NUBPL: variants seen among roughly 807,000 people sequenced by gnomAD.
The protein encoded by NUBPL is iron-sulfur cluster transfer protein NUBPL.
NUBPL carries 31 observed loss-of-function variants against 45.7 expected under a neutral mutation model. The observed-to-expected ratio is 0.68, with a 90% CI of 0.51 to 0.92. The LOEUF is 0.92. Among genes scored for constraint, NUBPL ranks in the 40% least tolerant of loss-of-function variants. NUBPL has a pLI of 0.00. For missense variants in NUBPL, 401 were observed against 398.7 expected, an observed-to-expected ratio of 1.01 and a Z score of -0.05; for synonymous variants, 144 against 140.9, an observed-to-expected ratio of 1.02 and a Z score of -0.15.
chr14:31,751,385 G>A (rs2038525744), intron 6 of NUBPL, among the ~76,000 whole-genome samples: 2 of 152,268 alleles, frequency 1.3e-5, no homozygotes, highest in African/African-American at 4.8e-5. Flanking sequence ...TACAATGGGA[G>A]TATAGGCATT....
At chr14:31,731,868 AT>A (rs1258966977) in intron 6 of NUBPL, among the ~76,000 whole-genome samples, 1 of 152,164 alleles carries the variant, frequency 6.6e-6, no homozygotes, top group Non-Finnish European at 1.5e-5. Context: ...GGAATTTGGA[AT>A]TCTAGCTAGC....
At chr14:31,588,701 G>A (rs2034061170) in intron 3 of NUBPL, among the ~76,000 whole-genome samples, 1 of 151,876 alleles carries the variant, frequency 6.6e-6, no homozygotes, top group Non-Finnish European at 1.5e-5. Context: ...CAGATTACGA[G>A]GTCAGGAGTT....
intron 4 of NUBPL, among the ~76,000 whole-genome samples, chr14:31,667,455 C>A (rs1322461951): frequency 1.3e-5 from 2 of 151,854 alleles, no homozygotes; most frequent in Non-Finnish European, 2.9e-5. Context: ...TTCCTGTAAC[C>A]TTTTATCAAG....
At chr14:31,746,815 A>G (rs2038408851) in intron 6 of NUBPL, among the ~76,000 whole-genome samples, 1 of 151,886 alleles carries the variant, frequency 6.6e-6, no homozygotes, top group Non-Finnish European at 1.5e-5. Flanking sequence ...AACACCTGTA[A>G]TCCTAGCACT....
chr14:31,680,374 C>G (rs2036802798), intron 6 of NUBPL, among the ~76,000 whole-genome samples: 1 of 152,110 alleles, frequency 6.6e-6, no homozygotes, highest in Non-Finnish European at 1.5e-5. Context: ...CATGCCCTCT[C>G]TCAGGTTAGG....
At chr14:31,572,210 G>A (rs1222980279) in intron 3 of NUBPL, among the ~76,000 whole-genome samples, 1 of 151,750 alleles carries the variant, frequency 6.6e-6, no homozygotes, top group Admixed American at 6.6e-5. Context: ...TGCAATCTTG[G>A]CTCACTGCAA....
At chr14:31,674,744 G>C (rs1225742549) in intron 6 of NUBPL, among the ~76,000 whole-genome samples, 1 of 152,102 alleles carries the variant, frequency 6.6e-6, no homozygotes, top group Non-Finnish European at 1.5e-5. Context: ...TTTACATGTT[G>C]TTATTCTCAA....
chr14:31,790,189 C>CT (rs1309609434), intron 7 of NUBPL, among the ~76,000 whole-genome samples: 4 of 151,986 alleles, frequency 2.6e-5, no homozygotes, highest in African/African-American at 4.8e-5. Flanking sequence ...CAGTTTTTTT[C>CT]TCCACTTACT....
intron 4 of NUBPL, among the ~76,000 whole-genome samples, chr14:31,648,511 T>C (rs1227217348): frequency 6.6e-6 from 1 of 152,232 alleles, no homozygotes; most frequent in African/African-American, 2.4e-5. Flanking sequence ...TTTAACATTA[T>C]GTTTGGGAAT....
At chr14:31,644,032 C>CT (rs1315514907) in intron 4 of NUBPL, among the ~76,000 whole-genome samples, 26 of 151,876 alleles carry the variant, frequency 1.7e-4, no homozygotes, top group African/African-American at 5.8e-4. Flanking sequence ...GGTCATCCCT[C>CT]TTTTTTCTTA....
intron 6 of NUBPL, among the ~76,000 whole-genome samples, chr14:31,744,371 A>C (rs796651885): frequency 2.0e-5 from 3 of 152,212 alleles, no homozygotes; most frequent in South Asian, 2.1e-4. Context: ...ATCTATGAAG[A>C]TATTTGATGA....
At chr14:31,613,682 T>C (rs1408049019) in intron 4 of NUBPL, among the ~76,000 whole-genome samples, 1 of 152,080 alleles carries the variant, frequency 6.6e-6, no homozygotes, top group East Asian at 1.9e-4. Context: ...GGTCTTGAAC[T>C]CCTGACCTTG....
chr14:31,776,087 C>T (rs2039093737), intron 6 of NUBPL, among the ~76,000 whole-genome samples: 1 of 152,030 alleles, frequency 6.6e-6, no homozygotes, highest in Non-Finnish European at 1.5e-5. Context: ...ACTTTTGTAC[C>T]TAAGTTTTCA....
chr14:31,779,112 C>G (rs549317893), intron 6 of NUBPL, among the ~76,000 whole-genome samples: 2 of 151,880 alleles, frequency 1.3e-5, no homozygotes, highest in East Asian at 3.9e-4. Flanking sequence ...GAGGGAGAGG[C>G]GGGTGGATTA....
intron 8 of NUBPL, chr14:31,845,772 C>T (rs1488385677): frequency 2.7e-5 from 4 of 150,590 alleles, no homozygotes; most frequent in African/African-American, 9.7e-5. Context: ...ACAACAAACA[C>T]TTCGTTATTT....
At position 31,756,496 on chromosome 14, in the gene NUBPL, CTGTT is replaced by C. The variant is rs572383619; in HGVS notation, c.514-31280_514-31277del. ...GGGAGTTCACTCATGATTTGGCTCT[CTGTT>C]TGTCTGTTATTGCTGTATAAGAATG... On this transcript the variant is annotated intron_variant, in intron 6 of 10. Transcript: ENST00000281081. Among the ~76,000 whole-genome samples, 657 of 151,728 alleles carry C rather than the reference CTGTT, an allele frequency of 4.3e-3. 6 individuals are homozygous for C. Among genetic ancestry groups the C allele is most frequent in the African/African-American group, 0.015 (614 of 41,090 alleles).
At chr14:31,780,690 T>C (rs1428852086) in intron 6 of NUBPL, among the ~76,000 whole-genome samples, 1 of 152,194 alleles carries the variant, frequency 6.6e-6, no homozygotes, top group Non-Finnish European at 1.5e-5. Context: ...CTATAGCCAA[T>C]TGCAAGTGCT....
At chr14:31,774,831 C>T (rs559641025) in intron 6 of NUBPL, among the ~76,000 whole-genome samples, 1 of 152,302 alleles carries the variant, frequency 6.6e-6, no homozygotes, top group Non-Finnish European at 1.5e-5. Flanking sequence ...CCTCTCCCCT[C>T]CATAGAGGTT....
intron 4 of NUBPL, among the ~76,000 whole-genome samples, chr14:31,599,884 T>G (rs1454792157): frequency 2.0e-5 from 3 of 151,928 alleles, no homozygotes; most frequent in African/African-American, 7.2e-5. Context: ...TTGTTTATTG[T>G]GCATTTGTAT....
Sources: allele counts gnomAD v4.1 joint callset (sites outside exome capture counted in the v4.1 genomes callset), GRCh38; gene constraint gnomAD v4.1.1; transcripts MANE v1.5; gene names NCBI Gene and HGNC (gene_info 2026-07-23, HGNC 2026-07-21).